Variants in STXBP5L observed in about 807,000 individuals in gnomAD.
STXBP5L encodes syntaxin binding protein 5L.
Under a neutral mutation model 144.5 loss-of-function variants are expected in STXBP5L, and 65 were observed. The observed-to-expected ratio is 0.45, with a 90% CI of 0.37 to 0.55. The LOEUF is 0.55. Among genes scored for constraint, STXBP5L ranks in the 20% least tolerant of loss-of-function variants. The pLI, the probability that STXBP5L is intolerant of heterozygous loss-of-function variation, is 0.00. For synonymous variants in STXBP5L, 505 were observed against 469.6 expected, an observed-to-expected ratio of 1.08 and a Z score of -0.97; for missense variants, 1,298 against 1,405.5, an observed-to-expected ratio of 0.92 and a Z score of 1.22.
At chr3:121,119,646 T>A (rs887219145) in intron 6 of STXBP5L, among the ~76,000 whole-genome samples, 6 of 151,446 alleles carry the variant, frequency 4.0e-5, no homozygotes, top group Non-Finnish European at 7.4e-5. Context: ...GATGCTTTTT[T>A]ATTTTTAGGT....
chr3:121,331,620 T>C (rs2044322842), intron 20 of STXBP5L, among the ~76,000 whole-genome samples: 1 of 152,126 alleles, frequency 6.6e-6, no homozygotes, highest in Non-Finnish European at 1.5e-5. Context: ...TCTCCCTTCC[T>C]CCTGAAAAGA....
At chr3:121,120,870 T>G (rs2044427532) in intron 6 of STXBP5L, among the ~76,000 whole-genome samples, 1 of 151,190 alleles carries the variant, frequency 6.6e-6, no homozygotes, top group South Asian at 2.1e-4. Context: ...AGTGGAGCAA[T>G]AATAAAACCC....
chr3:121,415,800 T>C (rs1038691345), intron 24 of STXBP5L, 57 bp from the exon 25 acceptor site: 1 of 1,210,596 alleles, frequency 8.3e-7, no homozygotes, highest in Admixed American at 1.9e-5. Flanking sequence ...GTTACCTTTT[T>C]GTATATTAAT....
At chr3:121,014,917 A>G (rs1239434852) in intron 3 of STXBP5L, among the ~76,000 whole-genome samples, 3 of 152,094 alleles carry the variant, frequency 2.0e-5, no homozygotes, top group Non-Finnish European at 2.9e-5. Flanking sequence ...TAACTTTAAT[A>G]TTGATAAAAA....
At chr3:121,140,314 T>C (rs1398894960) in intron 7 of STXBP5L, among the ~76,000 whole-genome samples, 1 of 152,058 alleles carries the variant, frequency 6.6e-6, no homozygotes, top group Non-Finnish European at 1.5e-5. Flanking sequence ...ATAACCATTG[T>C]AGAAAATAGT....
intron 20 of STXBP5L, among the ~76,000 whole-genome samples, chr3:121,354,504 C>G (rs1234719008): frequency 5.5e-5 from 7 of 126,364 alleles, no homozygotes; most frequent in Non-Finnish European, 1.2e-4. Flanking sequence ...GAATTGCAAC[C>G]CTGCTTTTTT....
At chr3:121,131,041 G>C (rs1351488439) in intron 7 of STXBP5L, among the ~76,000 whole-genome samples, 4 of 152,150 alleles carry the variant, frequency 2.6e-5, no homozygotes, top group Middle Eastern at 3.4e-3. Context: ...AGAGATAAGA[G>C]CAGAACTTCA....
At chr3:121,375,739 C>T (rs1275145371) in intron 20 of STXBP5L, among the ~76,000 whole-genome samples, 3 of 152,096 alleles carry the variant, frequency 2.0e-5, no homozygotes, top group African/African-American at 7.2e-5. Context: ...AGGAAATGTA[C>T]AATTATACCT....
At chr3:121,128,937 G>C (rs770912542) in intron 7 of STXBP5L, among the ~76,000 whole-genome samples, 1 of 152,072 alleles carries the variant, frequency 6.6e-6, no homozygotes, top group Admixed American at 6.6e-5. Context: ...AGTACATATA[G>C]TAATTATAGA....
At chr3:121,279,519 T>C (rs1474465515) in intron 18 of STXBP5L, among the ~76,000 whole-genome samples, 1 of 151,916 alleles carries the variant, frequency 6.6e-6, no homozygotes, top group Admixed American at 6.6e-5. Flanking sequence ...TGTGAAAACA[T>C]AAGGCCTAGT....
intron 3 of STXBP5L, among the ~76,000 whole-genome samples, chr3:121,033,995 T>C (rs558906941): frequency 6.6e-6 from 1 of 152,228 alleles, no homozygotes; most frequent in African/African-American, 2.4e-5. Context: ...TGCAAGTCTT[T>C]TGGATAGTAA....
At chr3:121,114,735 T>C (rs912629497) in intron 5 of STXBP5L, among the ~76,000 whole-genome samples, 190 bp from the exon 6 acceptor site, 6 of 152,166 alleles carry the variant, frequency 3.9e-5, no homozygotes, top group East Asian at 1.9e-4. Context: ...ATAGTGCTTA[T>C]TAACATTATT....
intron 3 of STXBP5L, among the ~76,000 whole-genome samples, chr3:120,972,265 T>G (rs1020277859): frequency 3.3e-5 from 5 of 152,140 alleles, no homozygotes; most frequent in Non-Finnish European, 7.4e-5. Flanking sequence ...TGTTTTGTAG[T>G]TCTCCTTGTA....
At chr3:121,253,944 C>T (rs1440813783) in intron 15 of STXBP5L, among the ~76,000 whole-genome samples, 7 of 151,632 alleles carry the variant, frequency 4.6e-5, no homozygotes, top group African/African-American at 1.5e-4. Flanking sequence ...TGAGCCACTG[C>T]GCCCGGCCGC....
intron 7 of STXBP5L, among the ~76,000 whole-genome samples, chr3:121,131,705 T>C (rs2044997838): frequency 6.6e-6 from 1 of 152,148 alleles, no homozygotes; most frequent in Non-Finnish European, 1.5e-5. Context: ...TAATAAAAGT[T>C]GCATAAAAAG....
chr3:121,016,150 C>G (rs1576669124), intron 3 of STXBP5L, among the ~76,000 whole-genome samples: 1 of 152,118 alleles, frequency 6.6e-6, no homozygotes, highest in African/African-American at 2.4e-5. Flanking sequence ...GGTCATTTAC[C>G]TCAGTTCCTA....
At chr3:121,139,395 A>G (rs1006040185) in intron 7 of STXBP5L, among the ~76,000 whole-genome samples, 1 of 152,092 alleles carries the variant, frequency 6.6e-6, no homozygotes, top group South Asian at 2.1e-4. Context: ...AGAATGACAC[A>G]TGTCAAATTT....
chr3:121,063,177 T>C (rs910713076), intron 5 of STXBP5L, among the ~76,000 whole-genome samples: 1 of 152,214 alleles, frequency 6.6e-6, no homozygotes. Flanking sequence ...GTTGGTAACC[T>C]TCGGATGGGG....
rs556649228 is a variant in STXBP5L at position 121,080,331 on chromosome 3, G to A, written c.471-34594G>A. On this transcript the variant is annotated intron_variant, in intron 5 of 26. Coordinates refer to ENST00000471454, the MANE Select transcript of STXBP5L (RefSeq NM_001308330.2). ...TTTAGGCCATTTACATTCAATATTAGTATTGAGATGTGAGGTATTGTTCTA... is the reference window on the plus strand; with the variant it reads ...TTTAGGCCATTTACATTCAATATTAATATTGAGATGTGAGGTATTGTTCTA... 1.1e-4 allele frequency among the ~76,000 whole-genome samples: 17 copies of A among 152,080 alleles called. No homozygotes were observed. In the South Asian group the frequency reaches 3.3e-3, roughly 30 times the overall value.
Sources: allele counts gnomAD v4.1 joint callset (sites outside exome capture counted in the v4.1 genomes callset), GRCh38; gene constraint gnomAD v4.1.1; transcripts MANE v1.5; gene names NCBI Gene and HGNC (gene_info 2026-07-23, HGNC 2026-07-21).